Variants in SMAD3 observed in about 807,000 individuals in gnomAD.
The protein encoded by SMAD3 is MAD homolog 3.
A neutral mutation model predicts 51.8 loss-of-function variants in SMAD3; 12 were observed. The ratio of observed to expected loss-of-function variants is 0.23; its 90% confidence interval spans 0.15 to 0.38. The LOEUF (loss-of-function observed/expected upper bound fraction) is 0.38. Ranked by LOEUF, SMAD3 falls within the 10% of genes least tolerant of loss-of-function variation. The pLI is 1.00. For missense variants in SMAD3, 294 were observed against 565.6 expected (o/e 0.52, Z 4.87); for synonymous variants, 238 against 227.7 (o/e 1.05, Z -0.41).
intron 1 of SMAD3, among the ~76,000 whole-genome samples, chr15:67,082,729 A>G (rs1960304377): frequency 6.6e-6 from 1 of 152,246 alleles, no homozygotes; most frequent in South Asian, 2.1e-4. Flanking sequence ...GCTAATCACT[A>G]ACTTCAAGTG....
At position 67,190,840 on chromosome 15, in the gene SMAD3, C is replaced by A. The variant is rs565932125; in HGVS notation, c.*304C>A. 3.5e-5 allele frequency: 16 copies of A among 455,654 alleles called. No homozygotes were observed. The highest frequency in any genetic ancestry group is 6.4e-5 in the Non-Finnish European group (16 of 248,258). 28.2% of individuals were successfully genotyped at this position (455,654 alleles called of 1,614,324 possible). On this transcript the variant is annotated 3_prime_UTR_variant, in exon 9 of 9. Coordinates refer to ENST00000327367, the MANE Select transcript of SMAD3 (RefSeq NM_005902.4). ...TATTACACCACCGGCCCCCTCCCCC[C>A]AGACTCTTTTTTTGAGTGACAGCTT...
rs1963339976 is a variant in SMAD3, at chr15:67,190,713, T to G, written c.*177T>G. 8 of 663,368 alleles carry G rather than the reference T, an allele frequency of 1.2e-5. No individual in the cohort carries two copies. Among genetic ancestry groups the G allele is most frequent in the African/African-American group, 1.8e-5 (1 of 56,000 alleles). 41.1% of individuals were successfully genotyped at this position (663,368 alleles called of 1,614,324 possible). ...ACACGAGCAAACCCAGAGGTGGATGTTATGAACAGCTGTGTCTGCCAAACA... is the reference window on the plus strand; with the variant it reads ...ACACGAGCAAACCCAGAGGTGGATGGTATGAACAGCTGTGTCTGCCAAACA... On this transcript the variant is annotated 3_prime_UTR_variant, in exon 9 of 9. Coordinates refer to ENST00000327367, the MANE Select transcript of SMAD3 (RefSeq NM_005902.4).
At chr15:67,168,641 T>C (rs1336647565) in intron 4 of SMAD3, among the ~76,000 whole-genome samples, 1 of 152,236 alleles carries the variant, frequency 6.6e-6, no homozygotes, top group Non-Finnish European at 1.5e-5. Context: ...CTGTCAGCTC[T>C]TGTTTCTTCT....
intron 1 of SMAD3, among the ~76,000 whole-genome samples, chr15:67,085,727 G>GT (rs1960373720): frequency 1.3e-5 from 2 of 152,272 alleles, no homozygotes; most frequent in African/African-American, 4.8e-5. Context: ...GGAAATCCAT[G>GT]TTTTTTAACT....
intron 1 of SMAD3, among the ~76,000 whole-genome samples, chr15:67,106,063 G>A (rs1247591431): frequency 6.6e-6 from 1 of 152,002 alleles, no homozygotes; most frequent in Non-Finnish European, 1.5e-5. Context: ...GAATATCTAA[G>A]TTCATCCAAT....
Position 67,066,009 on chromosome 15 carries a change from G to C in SMAD3, c.-146G>C, listed in dbSNP as rs1259768553. On this transcript the variant is annotated 5_prime_UTR_variant, in exon 1 of 9. Transcript: ENST00000327367. Reference sequence around the variant, plus strand: ...AGGCTGCAGCGCCGCGGCCCGGCCCGGCGCCCCGGCAACTTCGCCGAGAGT... The same window carrying C: ...AGGCTGCAGCGCCGCGGCCCGGCCCCGCGCCCCGGCAACTTCGCCGAGAGT... The C allele has an allele frequency of 9.7e-6, 3 of 310,444 alleles. No homozygotes were observed. Among genetic ancestry groups the C allele is most frequent in the African/African-American group, 6.7e-5 (3 of 45,108 alleles). The allele number at this position is 310,444 out of a possible 1,614,324, so 19.2% of individuals were successfully genotyped here.
In SMAD3 at chr15:67,065,914, C is replaced by T. The variant is rs1959901638; in HGVS notation, c.-241C>T. ...TTCCCGACCCTGCACTGCTGCCGTC[C>T]GCCCGCCCGGCCGCTCTTCTCTTCG... On this transcript the variant is annotated 5_prime_UTR_variant, in exon 1 of 9. Coordinates refer to ENST00000327367, the MANE Select transcript of SMAD3 (RefSeq NM_005902.4). 1 of 214,618 alleles carries T rather than the reference C, an allele frequency of 4.7e-6. No homozygotes were observed. The highest frequency in any genetic ancestry group is 9.3e-6 in the Non-Finnish European group (1 of 107,014). 13.3% of individuals were successfully genotyped at this position (214,618 alleles called of 1,614,324 possible). A position where few individuals can be genotyped will look rare whatever the true frequency, so the allele number is the denominator to read the frequency against.
At position 67,194,921 on chromosome 15, in the gene SMAD3, G is replaced by A; in HGVS notation, c.*4385G>A. The A allele has an allele frequency of 4.3e-6, 1 of 233,724 alleles. No individual in the cohort carries two copies. 14.5% of individuals were successfully genotyped at this position (233,724 alleles called of 1,614,324 possible). On this transcript the variant is annotated 3_prime_UTR_variant, in exon 9 of 9. Transcript: ENST00000327367. ...TTGCAACTCGGCTGTTCTGGACTCTGATGTGTGTGGAGGGATGGGGAATAG... is the reference window on the plus strand; with the variant it reads ...TTGCAACTCGGCTGTTCTGGACTCTAATGTGTGTGGAGGGATGGGGAATAG...
chr15:67,116,468 G>C (rs376826760), intron 1 of SMAD3, among the ~76,000 whole-genome samples: 3 of 152,210 alleles, frequency 2.0e-5, no homozygotes, highest in African/African-American at 7.2e-5. Context: ...CAGGGATAAC[G>C]GTGGCGCCCA....
At chr15:67,187,703 C>T (rs141406028) in intron 8 of SMAD3, among the ~76,000 whole-genome samples, 194 bp downstream of exon 8, 268 of 152,340 alleles carry the variant, frequency 1.8e-3, no homozygotes, top group African/African-American at 6.1e-3. Context: ...AATTGCAGAA[C>T]GATGTTTGCT....
chr15:67,079,771 C>T (rs1960243776), intron 1 of SMAD3, among the ~76,000 whole-genome samples: 1 of 152,168 alleles, frequency 6.6e-6, no homozygotes, highest in Non-Finnish European at 1.5e-5. Context: ...TCTCTGGTTC[C>T]TAGTTCTCTG....
intron 1 of SMAD3, among the ~76,000 whole-genome samples, chr15:67,097,002 A>G (rs1186028386): frequency 5.3e-5 from 8 of 152,186 alleles, no homozygotes; most frequent in Admixed American, 1.3e-4. Flanking sequence ...GCAGCCTAGT[A>G]TAGAGGTGAT....
intron 1 of SMAD3, among the ~76,000 whole-genome samples, chr15:67,082,673 A>ATG: frequency 6.6e-6 from 1 of 152,238 alleles, no homozygotes; most frequent in Non-Finnish European, 1.5e-5. Context: ...CGTCGGACGG[A>ATG]ACTTTCTGCA....
chr15:67,165,854 G>GA (rs1962572686), intron 3 of SMAD3, among the ~76,000 whole-genome samples: 1 of 152,208 alleles, frequency 6.6e-6, no homozygotes, highest in Non-Finnish European at 1.5e-5. Context: ...AAGTGACTTT[G>GA]AGTTTTCACT....
intron 1 of SMAD3, among the ~76,000 whole-genome samples, chr15:67,129,557 G>GA (rs1406434241): frequency 7.2e-5 from 11 of 152,094 alleles, no homozygotes; most frequent in Non-Finnish European, 1.6e-4. Context: ...ACATGCACAG[G>GA]AAAAAACACA....
At chr15:67,169,526 C>G (rs1307275771) in intron 4 of SMAD3, among the ~76,000 whole-genome samples, 1 of 152,108 alleles carries the variant, frequency 6.6e-6, no homozygotes, top group Admixed American at 6.5e-5. Context: ...CACTGCTGCC[C>G]AGGCTGGTGT....
intron 1 of SMAD3, among the ~76,000 whole-genome samples, chr15:67,136,940 G>A (rs1961680693): frequency 1.3e-5 from 2 of 152,302 alleles, no homozygotes; most frequent in South Asian, 2.1e-4. Flanking sequence ...GGTGGTTAGA[G>A]GCCATCACCT....
intron 1 of SMAD3, among the ~76,000 whole-genome samples, chr15:67,135,423 A>C (rs1961634254): frequency 6.6e-6 from 1 of 152,204 alleles, no homozygotes; most frequent in African/African-American, 2.4e-5. Flanking sequence ...AAAGGGGTCA[A>C]AACACCCTTT....
At chr15:67,131,310 C>T (rs1961519304) in intron 1 of SMAD3, among the ~76,000 whole-genome samples, 1 of 152,178 alleles carries the variant, frequency 6.6e-6, no homozygotes, top group African/African-American at 2.4e-5. Context: ...TATGGGACCT[C>T]AGAACCAAGA....
Sources: allele counts gnomAD v4.1 joint callset (sites outside exome capture counted in the v4.1 genomes callset), GRCh38; gene constraint gnomAD v4.1.1; transcripts MANE v1.5; gene names NCBI Gene and HGNC (gene_info 2026-07-23, HGNC 2026-07-21).